The following ZNF804A variants were observed in gnomAD, a reference collection of about 807,000 sequenced individuals.
ZNF804A encodes the protein zinc finger protein 804A.
Under a neutral mutation model 16.5 loss-of-function variants are expected in ZNF804A, and 2 were observed. The ratio of observed to expected loss-of-function variants is 0.12; its 90% CI spans 0.05 to 0.38. The LOEUF (loss-of-function observed/expected upper bound fraction) is 0.38, where lower values mean the gene tolerates loss of function less well. ZNF804A is among the 10% of genes least tolerant of loss of function. The probability of loss-of-function intolerance (pLI) is 0.99; values close to 1 mark genes in which losing one functional copy is unlikely to be tolerated. For missense variants in ZNF804A, 1,473 were observed against 1,390.7 expected (o/e 1.06, Z -0.94); for synonymous variants, 534 against 489.6 (o/e 1.09, Z -1.20).
chr2:184,836,388 G>A (rs1177175897), intron 1 of ZNF804A, among the ~76,000 whole-genome samples: 3 of 152,018 alleles, frequency 2.0e-5, no homozygotes, highest in African/African-American at 7.2e-5. Flanking sequence ...TGCTGACACT[G>A]GGAATAAGTC....
At chr2:184,708,911 C>G (rs1043098797) in intron 1 of ZNF804A, among the ~76,000 whole-genome samples, 4 of 152,066 alleles carry the variant, frequency 2.6e-5, no homozygotes, top group African/African-American at 9.7e-5. Flanking sequence ...CTTCTTACTA[C>G]TGTAGTCCCA....
chr2:184,814,909 T>G (rs1381341627), intron 1 of ZNF804A, among the ~76,000 whole-genome samples: 3 of 152,014 alleles, frequency 2.0e-5, no homozygotes, highest in Non-Finnish European at 2.9e-5. Context: ...GCCTGACATT[T>G]TTAAATACCT....
At chr2:184,652,165 C>A (rs1008429589) in intron 1 of ZNF804A, among the ~76,000 whole-genome samples, 14 of 152,122 alleles carry the variant, frequency 9.2e-5, no homozygotes, top group African/African-American at 3.4e-4. Context: ...AGACCATTAT[C>A]CTAAGTGATT....
chr2:184,874,050 G>A (rs1235872484), intron 2 of ZNF804A, among the ~76,000 whole-genome samples: 1 of 152,054 alleles, frequency 6.6e-6, no homozygotes. Context: ...ATTAACTGTA[G>A]GTAGGTGTTT....
At chr2:184,776,527 T>A (rs1204897234) in intron 1 of ZNF804A, among the ~76,000 whole-genome samples, 1 of 151,372 alleles carries the variant, frequency 6.6e-6, no homozygotes, top group East Asian at 1.9e-4. Context: ...TACTTCGGAA[T>A]GTGTAATTAT....
chr2:184,832,789 G>T (rs1695285128), intron 1 of ZNF804A, among the ~76,000 whole-genome samples: 1 of 151,754 alleles, frequency 6.6e-6, no homozygotes, highest in African/African-American at 2.4e-5. Flanking sequence ...GTACATCAAT[G>T]ATATTATACC....
chr2:184,805,371 T>TAAGCATATAAGTACTTA (rs1694785981), intron 1 of ZNF804A, among the ~76,000 whole-genome samples: 1 of 152,140 alleles, frequency 6.6e-6, no homozygotes, highest in South Asian at 2.1e-4. Context: ...GTCTTAGTAC[T>TAAGCATATAAGTACTTA]GTATATGCTT....
At chr2:184,706,799 T>C (rs1312002490) in intron 1 of ZNF804A, among the ~76,000 whole-genome samples, 1 of 152,236 alleles carries the variant, frequency 6.6e-6, no homozygotes, top group South Asian at 2.1e-4. Context: ...TGTGTCAATA[T>C]ATCATGTGTT....
chr2:184,837,113 T>C (rs1324555760), intron 1 of ZNF804A, among the ~76,000 whole-genome samples: 2 of 152,120 alleles, frequency 1.3e-5, no homozygotes, highest in African/African-American at 4.8e-5. Flanking sequence ...ATGAATCCTA[T>C]GAAGTCTTTA....
intron 1 of ZNF804A, among the ~76,000 whole-genome samples, chr2:184,681,585 T>C (rs1005441254): frequency 6.6e-6 from 1 of 152,220 alleles, no homozygotes; most frequent in Non-Finnish European, 1.5e-5. Context: ...AACAAACTCC[T>C]CCAATTATCA....
intron 1 of ZNF804A, among the ~76,000 whole-genome samples, chr2:184,739,421 T>A (rs545605081): frequency 1.3e-5 from 2 of 152,284 alleles, no homozygotes; most frequent in South Asian, 4.1e-4. Flanking sequence ...GGGAACAGCG[T>A]CTCACTCCAT....
At chr2:184,672,558 T>G (rs936032381) in intron 1 of ZNF804A, among the ~76,000 whole-genome samples, 9 of 152,210 alleles carry the variant, frequency 5.9e-5, no homozygotes. Context: ...TATGTTAGCA[T>G]TCATAAAAAT....
chr2:184,655,057 A>G (rs1003155075), intron 1 of ZNF804A, among the ~76,000 whole-genome samples: 8 of 152,240 alleles, frequency 5.3e-5, no homozygotes, highest in African/African-American at 1.9e-4. Context: ...ATTGTATTCT[A>G]TCTAGGGAAA....
rs1050793707 is a variant in ZNF804A at position 184,772,001 on chromosome 2, C to T, written c.112-94368C>T. Among the ~76,000 whole-genome samples, 3 of 151,960 alleles carry T rather than the reference C, an allele frequency of 2.0e-5. No individual in the cohort carries two copies. In the East Asian group the frequency reaches 5.8e-4, roughly 29 times the overall value. ...GGGAGAGGGAATAGGGAATGGTGTT[C>T]ACACCATTGTGTGTGAAACAAAAAA... On this transcript the variant is annotated intron_variant, in intron 1 of 3. Transcript: ENST00000302277.
At chr2:184,819,035 C>A (rs531063611) in intron 1 of ZNF804A, among the ~76,000 whole-genome samples, 1 of 151,536 alleles carries the variant, frequency 6.6e-6, no homozygotes, top group Admixed American at 6.6e-5. Context: ...TTAAGGACCT[C>A]AACTTCAACT....
At chr2:184,861,870 T>A (rs147225828) in intron 1 of ZNF804A, among the ~76,000 whole-genome samples, 1 of 152,190 alleles carries the variant, frequency 6.6e-6, no homozygotes, top group Admixed American at 6.5e-5. Flanking sequence ...ACTGCCAAGT[T>A]GCTGTGGTCA....
rs1231913733 is a variant in ZNF804A, at chr2:184,936,971, T to G, written c.1575T>G (p.Pro525=). 6.2e-7 allele frequency: 1 copy of G among 1,613,962 alleles called. No individual in the cohort carries two copies. The highest frequency in any genetic ancestry group is 1.1e-5 in the South Asian group (1 of 91,072). ...SSKNKCSQVT[P]LLADDILSSS... ...AAAATAAATGCAGCCAAGTCACTCC[T>G]CTTTTGGCTGATGATATTCTCTCCA... is the stretch of plus-strand genomic sequence containing the variant. The change falls in exon 4 of 4, where the codon CCT becomes CCG. Residue 525 remains proline (P), a synonymous_variant. Coordinates refer to ENST00000302277, the MANE Select transcript of ZNF804A (RefSeq NM_194250.2).
intron 1 of ZNF804A, among the ~76,000 whole-genome samples, chr2:184,815,683 T>C (rs1694972660): frequency 6.6e-6 from 1 of 151,980 alleles, no homozygotes. Context: ...ATTCATAGGA[T>C]ATAATAAATT....
At chr2:184,841,059 C>T (rs1695429470) in intron 1 of ZNF804A, among the ~76,000 whole-genome samples, 1 of 152,126 alleles carries the variant, frequency 6.6e-6, no homozygotes, top group African/African-American at 2.4e-5. Context: ...TCTCTCTGTA[C>T]GTGTTTTCCC....
Sources: allele counts gnomAD v4.1 joint callset (sites outside exome capture counted in the v4.1 genomes callset), GRCh38; gene constraint gnomAD v4.1.1; transcripts MANE v1.5; gene names NCBI Gene and HGNC (gene_info 2026-07-23, HGNC 2026-07-21).